Variants in NCAPG2 observed in about 807,000 individuals in gnomAD.
NCAPG2 encodes the protein non-SMC condensin II complex subunit G2, also known as condensin-2 complex subunit G2.
In NCAPG2, 53 loss-of-function variants were observed where a neutral mutation model predicts 141.1. The observed-to-expected ratio is 0.38, with a 90% CI of 0.30 to 0.47. The LOEUF is 0.47. Ranked by LOEUF, NCAPG2 falls within the 20% of genes least tolerant of loss-of-function variation. The pLI, the probability that NCAPG2 is intolerant of heterozygous loss-of-function variation, is 0.99. For missense variants in NCAPG2, 1,087 were observed against 1,389.0 expected (o/e 0.78, Z 3.46); for synonymous variants, 499 against 490.7 (o/e 1.02, Z -0.22).
At chr7:158,669,008 G>A (rs1833494241) in intron 13 of NCAPG2, among the ~76,000 whole-genome samples, 1 of 152,194 alleles carries the variant, frequency 6.6e-6, no homozygotes, top group Admixed American at 6.5e-5. Context: ...ATTTATAAGT[G>A]AGAACATGCG....
intron 13 of NCAPG2, among the ~76,000 whole-genome samples, chr7:158,665,749 T>C (rs886412089): frequency 6.6e-6 from 1 of 152,052 alleles, no homozygotes; most frequent in Non-Finnish European, 1.5e-5. Context: ...CCAACCCCAT[T>C]GACAATGCAG....
chr7:158,642,395 G>A (rs956352858), intron 27 of NCAPG2, among the ~76,000 whole-genome samples: 1 of 152,084 alleles, frequency 6.6e-6, no homozygotes, highest in African/African-American at 2.4e-5. Context: ...TTCATCAGCT[G>A]TGCATGGTGG....
In NCAPG2 at chr7:158,633,614, G is replaced by A. The variant is rs1335233277; in HGVS notation, c.3381-1897C>T. 2.0e-5 allele frequency among the ~76,000 whole-genome samples: 3 copies of A among 152,118 alleles called. No individual in the cohort carries two copies. The highest frequency in any genetic ancestry group is 4.4e-5 in the Non-Finnish European group (3 of 68,018). On this transcript the variant is annotated intron_variant, in intron 27 of 27. Coordinates refer to ENST00000356309, the MANE Select transcript of NCAPG2 (RefSeq NM_017760.7). The surrounding 1 kb of genome is among the most constrained non-coding windows in gnomAD (Gnocchi z 4.1). Reference sequence around the variant, plus strand: ...CTGCCCATTCCCTGAGTCCCCCAAGGAGAAGAGAGTGCTCTCTGTCCACAG... The same window carrying A: ...CTGCCCATTCCCTGAGTCCCCCAAGAAGAAGAGAGTGCTCTCTGTCCACAG...
At position 158,656,566 on chromosome 7, in the gene NCAPG2, G is replaced by A. The variant is rs1831993719; in HGVS notation, c.2200C>T (p.His734Tyr). 1 of 1,613,994 alleles carries A rather than the reference G, an allele frequency of 6.2e-7. No individual in the cohort carries two copies. Among genetic ancestry groups the A allele is most frequent in the Non-Finnish European group, 8.5e-7 (1 of 1,180,048 alleles). Residue 734 changes from histidine (H) to tyrosine (Y), a missense_variant, in exon 18 of 28, where the codon CAT (histidine) becomes TAT (tyrosine). Physicochemically the swap from His to Tyr is moderately conservative, Grantham distance 83. Transcript: ENST00000356309. ...TGTCAACCTACCTTGGCCTGGGCATGCTCTGTGGGCAGCCAGTTGTCAACA... is the reference window on the plus strand; with the variant it reads ...TGTCAACCTACCTTGGCCTGGGCATACTCTGTGGGCAGCCAGTTGTCAACA... ...ELVDNWLPTE[H>Y]AQAKSNTASK...
intron 8 of NCAPG2, among the ~76,000 whole-genome samples, chr7:158,684,966 C>T (rs779469262): frequency 2.0e-5 from 3 of 152,246 alleles, no homozygotes; most frequent in African/African-American, 4.8e-5. Flanking sequence ...AGCCTCTGTC[C>T]ACTCTGCAGG....
At chr7:158,666,465 C>T (rs762033101) in intron 13 of NCAPG2, among the ~76,000 whole-genome samples, 1 of 151,964 alleles carries the variant, frequency 6.6e-6, no homozygotes, top group Non-Finnish European at 1.5e-5. Context: ...ATTTTTGAAA[C>T]CACCCCCAGC....
At position 158,659,329 on chromosome 7, in the gene NCAPG2, C is replaced by CAAA. The variant is rs34735258; in HGVS notation, c.1990-924_1990-922dup. 2.0e-3 allele frequency among the ~76,000 whole-genome samples: 172 copies of CAAA among 85,672 alleles called. 5 individuals are homozygous for CAAA. Among genetic ancestry groups the CAAA allele is most frequent in the African/African-American group, 6.7e-3 (160 of 23,990 alleles). The allele number at this position is 85,672 out of a possible 152,430, so 56.2% of individuals were successfully genotyped here. On this transcript the variant is annotated intron_variant, in intron 16 of 27. Transcript: ENST00000356309. The stretch of plus-strand genomic sequence containing the variant: ...GGGTGACAAGAGCAAGACTCCATCT[C>CAAA]AAAAAAAAAAAAAAAAAGAAGAAAA...
At chr7:158,643,970 C>T (rs1051746025) in intron 27 of NCAPG2, among the ~76,000 whole-genome samples, 4 of 152,330 alleles carry the variant, frequency 2.6e-5, no homozygotes, top group Non-Finnish European at 2.9e-5. Flanking sequence ...CCTTGGGAAA[C>T]GCCCATGGTT....
At chr7:158,642,029 CAG>C (rs1273554641) in intron 27 of NCAPG2, among the ~76,000 whole-genome samples, 2 of 151,940 alleles carry the variant, frequency 1.3e-5, no homozygotes, top group African/African-American at 4.8e-5. Flanking sequence ...TTTAAAAGAA[CAG>C]AAACAATACA....
chr7:158,654,855 G>A (rs1831782583), intron 21 of NCAPG2, 161 bp from the exon 22 acceptor site: 1 of 1,322,778 alleles, frequency 7.6e-7, no homozygotes, highest in Non-Finnish European at 9.9e-7. Context: ...ATTAATTCTT[G>A]TTTTTGTAAG....
chr7:158,683,583 AAGG>A (rs1414475195), intron 8 of NCAPG2, among the ~76,000 whole-genome samples, 197 bp from the exon 9 acceptor site: 1 of 152,246 alleles, frequency 6.6e-6, no homozygotes, highest in Non-Finnish European at 1.5e-5. Context: ...TTCTTATAGC[AAGG>A]AGAATGCTTT....
At chr7:158,672,693 T>C (rs1200725264) in intron 12 of NCAPG2, among the ~76,000 whole-genome samples, 2 of 152,082 alleles carry the variant, frequency 1.3e-5, no homozygotes, top group Non-Finnish European at 1.5e-5. Context: ...TATATACAGC[T>C]CTTCTTCCAA....
chr7:158,687,161 T>G (rs1834812700), intron 7 of NCAPG2, among the ~76,000 whole-genome samples, 187 bp downstream of exon 7: 1 of 152,236 alleles, frequency 6.6e-6, no homozygotes, highest in Admixed American at 6.5e-5. Flanking sequence ...TTAATTTCAG[T>G]GGTCAATACT....
chr7:158,686,351 C>T (rs1834754156), intron 7 of NCAPG2, 110 bp from the exon 8 acceptor site: 1 of 582,052 alleles, frequency 1.7e-6, no homozygotes, highest in African/African-American at 2.0e-5. Flanking sequence ...TCAGTTTAAA[C>T]TAGTGCTTTG....
intron 11 of NCAPG2, 88 bp from the exon 12 acceptor site, chr7:158,675,744 C>T: frequency 8.7e-6 from 12 of 1,379,686 alleles, no homozygotes; most frequent in Non-Finnish European, 1.1e-5. Flanking sequence ...TTCAGGGATT[C>T]GTAACTTAGA....
intron 27 of NCAPG2, among the ~76,000 whole-genome samples, chr7:158,637,829 C>T (rs994836938): frequency 1.3e-5 from 2 of 152,140 alleles, no homozygotes; most frequent in Non-Finnish European, 1.5e-5. Flanking sequence ...AATAACCCAT[C>T]GTGCCAACTC....
intron 2 of NCAPG2, 96 bp from the exon 3 acceptor site, chr7:158,693,593 A>T: frequency 9.3e-7 from 1 of 1,079,958 alleles, no homozygotes; most frequent in Non-Finnish European, 1.3e-6. Flanking sequence ...TGTTAACTTC[A>T]TTACAAGTTC....
chr7:158,646,579 A>G lies in NCAPG2; in HGVS notation c.3076-16T>C, dbSNP rs1253651924. ...CGTCAGAAACCTAAAAAAGTTCCAA[A>G]TCAGCAAGTTGTAAACAGAGACTAG... On this transcript the variant is annotated splice_polypyrimidine_tract_variant and intron_variant, in intron 24 of 27. Coordinates refer to ENST00000356309, the MANE Select transcript of NCAPG2 (RefSeq NM_017760.7). The G allele has an allele frequency of 6.5e-7, 1 of 1,539,968 alleles. No individual in the cohort carries two copies. Among genetic ancestry groups the G allele is most frequent in the Non-Finnish European group, 8.8e-7 (1 of 1,142,460 alleles).
chr7:158,667,245 G>A (rs959531362), intron 13 of NCAPG2: 3 of 984,440 alleles, frequency 3.0e-6, no homozygotes, highest in African/African-American at 3.5e-5. Context: ...CAAACTTCCT[G>A]GTGGGCCAGA....
Sources: gnomAD v4.1 joint callset for allele counts (sites outside exome capture counted in the v4.1 genomes callset) on GRCh38, gnomAD v4.1.1 for gene constraint, Gnocchi (gnomAD v3.1) non-coding constraint, MANE v1.5 for transcripts, NCBI Gene and HGNC (gene_info 2026-07-23, HGNC 2026-07-21) for gene names.